CMAS: variants seen among roughly 807,000 people sequenced by gnomAD.
CMAS encodes N-acylneuraminate cytidylyltransferase.
Under a neutral mutation model 53.4 loss-of-function variants are expected in CMAS, and 21 were observed. The observed-to-expected ratio is 0.39, with a 90% CI of 0.28 to 0.57. The LOEUF is 0.57. CMAS is among the 20% of genes least tolerant of loss of function. The pLI, the probability that CMAS is intolerant of heterozygous loss-of-function variation, is 0.56. For synonymous variants in CMAS, 189 were observed against 195.2 expected (o/e 0.97, Z 0.27); for missense variants, 384 against 534.9 (o/e 0.72, Z 2.78).
In CMAS at chr12:22,065,489, A is replaced by G. The variant is rs140441792; in HGVS notation, c.*178A>G. Reference sequence around the variant, plus strand: ...AGATAATTATTTAGAGACTGATTACAGTCTTTCTCAGATTTTTAGTAAATG... The same window carrying G: ...AGATAATTATTTAGAGACTGATTACGGTCTTTCTCAGATTTTTAGTAAATG... On this transcript the variant is annotated 3_prime_UTR_variant, in exon 8 of 8. Transcript: ENST00000229329. The G allele has an allele frequency of 3.6e-3, 1,957 of 546,168 alleles. 57 individuals are homozygous for G. The East Asian group carries it at 0.053, about 15-fold the overall frequency. The allele number at this position is 546,168 out of a possible 1,614,324, so 33.8% of individuals were successfully genotyped here. A position where few individuals can be genotyped will look rare whatever the true frequency, so the allele number is the denominator to read the frequency against.
chr12:22,054,239 T>C (rs984483760), intron 1 of CMAS, among the ~76,000 whole-genome samples: 3 of 152,136 alleles, frequency 2.0e-5, no homozygotes, highest in African/African-American at 7.2e-5. Flanking sequence ...ACATTGTGGC[T>C]AGAGTAGTAT....
Position 22,065,114 on chromosome 12 carries a change from T to TTGA in CMAS, c.1115-5_1115-3dup. Reference sequence around the variant, plus strand: ...AATGTTTGCTCAGTATTTATTTTACTTGATAGGAAATGAAGTGTCTGATGA... The same window carrying TTGA: ...AATGTTTGCTCAGTATTTATTTTACTTGATGATAGGAAATGAAGTGTCTGATGA... On this transcript the variant is annotated splice_polypyrimidine_tract_variant and splice_region_variant and intron_variant, in intron 7 of 7. Coordinates refer to ENST00000229329, the MANE Select transcript of CMAS (RefSeq NM_018686.6). The TTGA allele has an allele frequency of 6.3e-7, 1 of 1,587,994 alleles. No individual in the cohort carries two copies. The highest frequency in any genetic ancestry group is 8.6e-7 in the Non-Finnish European group (1 of 1,161,300).
rs1950204739 is a variant in CMAS, at chr12:22,046,341, C to A, written c.38C>A (p.Ser13Tyr). The A allele has an allele frequency of 6.6e-7, 1 of 1,511,518 alleles. No homozygotes were observed. Among genetic ancestry groups the A allele is most frequent in the African/African-American group, 1.4e-5 (1 of 70,420 alleles). 93.6% of individuals were successfully genotyped at this position (1,511,518 alleles called of 1,614,324 possible). Reference protein sequence around the residue: ...SVEKGAATSVSNPRGRPSRGR... With the variant: ...SVEKGAATSVYNPRGRPSRGR... Reference sequence around the variant, plus strand: ...GAGAAGGGGGCCGCCACCTCCGTCTCCAACCCGCGGGGGCGACCGTCCCGG... The same window carrying A: ...GAGAAGGGGGCCGCCACCTCCGTCTACAACCCGCGGGGGCGACCGTCCCGG... Residue 13 changes from serine (S) to tyrosine (Y), a missense_variant, in exon 1 of 8, where the codon TCC (serine) becomes TAC (tyrosine). By Grantham distance (144) the Ser-to-Tyr change is moderately radical. This residue lies in a region of CMAS where 111 missense variants were observed against 132.2 expected (regional missense o/e 0.84). Coordinates refer to ENST00000229329, the MANE Select transcript of CMAS (RefSeq NM_018686.6).
chr12:22,054,693 C>A (rs577306659), intron 1 of CMAS, among the ~76,000 whole-genome samples: 1 of 151,178 alleles, frequency 6.6e-6, no homozygotes, highest in East Asian at 2.0e-4. Context: ...TAAGCAAGAT[C>A]TTTAATTTTC....
rs766512257 is a variant in CMAS at position 22,061,287 on chromosome 12, C to T, written c.795C>T (p.Gly265=). 1.2e-6 allele frequency: 2 copies of T among 1,611,152 alleles called. No individual in the cohort carries two copies. The highest frequency in any genetic ancestry group is 4.5e-5 in the East Asian group (2 of 44,734). The change falls in exon 6 of 8, where the codon GGC becomes GGT. Residue 265 remains glycine (G), a synonymous_variant. Transcript: ENST00000229329. ...PIAEQRVLRY[G]YFGKEKLKEI... ...CTATTTTGGTTTCTTTTAGATATGGCTATTTTGGCAAAGAGAAGCTTAAGG... is the reference window on the plus strand; with the variant it reads ...CTATTTTGGTTTCTTTTAGATATGGTTATTTTGGCAAAGAGAAGCTTAAGG...
At chr12:22,060,730 C>T (rs1453245960) in intron 4 of CMAS, 102 bp from the exon 5 acceptor site, 1 of 661,264 alleles carries the variant, frequency 1.5e-6, no homozygotes, top group Non-Finnish European at 2.7e-6. Flanking sequence ...TCATTTTTCT[C>T]AGTACTGTAG....
chr12:22,062,453 A>G lies in CMAS; in HGVS notation c.1114+19A>G, dbSNP rs777851989. The G allele has an allele frequency of 1.9e-5, 31 of 1,607,324 alleles. No homozygotes were observed. The East Asian group carries it at 6.3e-4, about 33-fold the overall frequency. On this transcript the variant is annotated intron_variant, in intron 7 of 7. Transcript: ENST00000229329. The stretch of plus-strand genomic sequence containing the variant: ...TATCTTGGTTGGTATCTTTTTATTC[A>G]CCCATAGTAAAATGGACCAGGAATT...
Position 22,052,009 on chromosome 12 carries a change from G to C in CMAS, c.261-3140G>C, listed in dbSNP as rs1950241243. On this transcript the variant is annotated intron_variant, in intron 1 of 7. Transcript: ENST00000229329. ...TATGGATTTTTCCCATGGTCATATA[G>C]CTAGCATGTGGTGGAGCCAGAATTG... Among the ~76,000 whole-genome samples the C allele has an allele frequency of 2.0e-5, 3 of 152,270 alleles. No homozygotes were observed. In the South Asian group the frequency reaches 6.2e-4, roughly 32 times the overall value.
Position 22,046,696 on chromosome 12 carries a change from G to T in CMAS, c.260+133G>T. On this transcript the variant is annotated intron_variant, in intron 1 of 7. Transcript: ENST00000229329. ...CATCTCTCATGCCAGGGATGTGCAA[G>T]ATCCGGGGTGCCTGGGGCCGGGCTG... The T allele has an allele frequency of 2.7e-6, 3 of 1,107,778 alleles. 1 individual carries two copies. The highest frequency in any genetic ancestry group is 3.6e-6 in the Non-Finnish European group (3 of 823,268). 68.6% of individuals were successfully genotyped at this position (1,107,778 alleles called of 1,614,324 possible). A position where few individuals can be genotyped will look rare whatever the true frequency, so the allele number is the denominator to read the frequency against.
chr12:22,059,430 C>G (rs931956462), intron 4 of CMAS, among the ~76,000 whole-genome samples: 3 of 151,976 alleles, frequency 2.0e-5, no homozygotes, highest in Non-Finnish European at 4.4e-5. Context: ...CATTTCTACC[C>G]AGTTTTACAG....
At chr12:22,062,744 T>TTA (rs764395847) in intron 7 of CMAS, among the ~76,000 whole-genome samples, 10 of 152,178 alleles carry the variant, frequency 6.6e-5, no homozygotes, top group Non-Finnish European at 1.2e-4. Flanking sequence ...AGAGTACCTA[T>TTA]TACCGTAGGG....
Position 22,055,468 on chromosome 12 carries a change from A to G in CMAS, c.417A>G (p.Val139=). The G allele has an allele frequency of 6.3e-7, 1 of 1,591,650 alleles. No individual in the cohort carries two copies. The part of the protein sequence containing the change: ...FLNYHNEVDI[V]GNIQATSPCL... Reference sequence around the variant, plus strand: ...TGTCTTTTTAAGAGGTTGACATTGTAGGAAATATTCAAGCTACTTCTCCAT... The same window carrying G: ...TGTCTTTTTAAGAGGTTGACATTGTGGGAAATATTCAAGCTACTTCTCCAT... Residue 139 remains valine, a synonymous_variant, in exon 3 of 8, where the codon GTA becomes GTG. Coordinates refer to ENST00000229329, the MANE Select transcript of CMAS (RefSeq NM_018686.6).
At position 22,046,444 on chromosome 12, in the gene CMAS, C is replaced by G. The variant is rs1591791052; in HGVS notation, c.141C>G (p.Ala47=). 1 of 1,609,816 alleles carries G rather than the reference C, an allele frequency of 6.2e-7. No individual in the cohort carries two copies. The highest frequency in any genetic ancestry group is 1.7e-5 in the Admixed American group (1 of 59,606). ...TGGAGAAGCCCCCGCACCTGGCAGC[C>G]CTAATTCTGGCCCGGGGAGGCAGCA... ...RGVEKPPHLA[A]LILARGGSKG... The change falls in exon 1 of 8, where the codon GCC becomes GCG. Residue 47 remains alanine, a synonymous_variant. Transcript: ENST00000229329.
chr12:22,061,566 T>A (rs1950308671), intron 6 of CMAS, 114 bp downstream of exon 6: 3 of 688,090 alleles, frequency 4.4e-6, no homozygotes, highest in Non-Finnish European at 6.6e-6. Context: ...ATATCTGAAA[T>A]TTGGCCTTCA....
intron 5 of CMAS, 137 bp from the exon 6 acceptor site, chr12:22,061,144 A>G: frequency 1.4e-6 from 1 of 714,366 alleles, no homozygotes; most frequent in Non-Finnish European, 2.4e-6. Flanking sequence ...ATGTTAAAAT[A>G]TATATGTGAA....
At chr12:22,062,488 C>A in intron 7 of CMAS, 54 bp downstream of exon 7, 1 of 1,548,982 alleles carries the variant, frequency 6.5e-7, no homozygotes, top group Non-Finnish European at 8.8e-7. Context: ...TAATTATTTA[C>A]TTATTTTTAA....
At chr12:22,059,612 T>C (rs1419404323) in intron 4 of CMAS, among the ~76,000 whole-genome samples, 1 of 152,212 alleles carries the variant, frequency 6.6e-6, no homozygotes, top group Non-Finnish European at 1.5e-5. Flanking sequence ...AATGGGACTA[T>C]TATTCTGAGC....
intron 1 of CMAS, among the ~76,000 whole-genome samples, chr12:22,049,504 A>T (rs537947636): frequency 3.9e-5 from 6 of 152,222 alleles, no homozygotes; most frequent in Non-Finnish European, 8.8e-5. Context: ...CCTTTTCTGT[A>T]CCAAGTAGTT....
In CMAS at chr12:22,062,887, A is replaced by G. The variant is rs547386289; in HGVS notation, c.1114+453A>G. The stretch of plus-strand genomic sequence containing the variant: ...TTTTCCTCCAAATTCCAATTCCAGG[A>G]AAGAAATGAGACAAATGGGCCAATA... On this transcript the variant is annotated intron_variant, in intron 7 of 7. Transcript: ENST00000229329. Among the ~76,000 whole-genome samples the G allele has an allele frequency of 2.6e-5, 4 of 152,346 alleles. No homozygotes were observed. The South Asian group carries it at 8.3e-4, about 32-fold the overall frequency.
Sources: allele counts gnomAD v4.1 joint callset (sites outside exome capture counted in the v4.1 genomes callset), GRCh38; gene constraint gnomAD v4.1.1; regional missense constraint gnomAD v4.1.1; transcripts MANE v1.5; gene names NCBI Gene and HGNC (gene_info 2026-07-23, HGNC 2026-07-21).